Variants in LARP4B observed in about 807,000 individuals in gnomAD.
LARP4B encodes la-related protein 4B.
LARP4B carries 12 observed loss-of-function variants against 89.8 expected under a neutral mutation model. The observed-to-expected ratio is 0.13, with a 90% CI of 0.09 to 0.22. The LOEUF (loss-of-function observed/expected upper bound fraction) is 0.22, where lower values mean the gene tolerates loss of function less well. Among genes scored for constraint, LARP4B ranks in the 10% least tolerant of loss-of-function variants. The pLI is 1.00. For synonymous variants in LARP4B, 367 were observed against 363.3 expected (o/e 1.01, Z -0.12); for missense variants, 757 against 947.7 (o/e 0.80, Z 2.64).
At chr10:957,140 T>C in the LARP4B span, among the ~76,000 whole-genome samples, 1 of 152,108 alleles carries the variant, frequency 6.6e-6, no homozygotes, top group Admixed American at 6.6e-5. Flanking sequence ...CTGGTCCTTC[T>C]CCTGAACCCT....
intron 5 of LARP4B, among the ~76,000 whole-genome samples, chr10:863,525 G>A (rs896189682): frequency 1.1e-4 from 16 of 152,158 alleles, no homozygotes; most frequent in East Asian, 1.9e-4. Flanking sequence ...CCCCGCGCCC[G>A]GCCCAGGTTT....
intron 5 of LARP4B, among the ~76,000 whole-genome samples, chr10:849,051 T>C (rs143188522): frequency 1.4e-4 from 21 of 152,298 alleles, no homozygotes; most frequent in Middle Eastern, 3.4e-3. Flanking sequence ...CTGTGCTCTA[T>C]GTGAAGCAGC....
chr10:938,047 GCTAA>G, the LARP4B span, among the ~76,000 whole-genome samples: 1 of 151,214 alleles, frequency 6.6e-6, no homozygotes, highest in Non-Finnish European at 1.5e-5. Flanking sequence ...ACCACACCTG[GCTAA>G]CTTTTTGTAT....
intron 1 of LARP4B, among the ~76,000 whole-genome samples, chr10:913,653 T>C (rs1203766340): frequency 6.6e-6 from 1 of 152,172 alleles, no homozygotes; most frequent in East Asian, 1.9e-4. Context: ...TAAGAATGAA[T>C]AAATTAGGGC....
At position 833,274 on chromosome 10, in the gene LARP4B, A is replaced by AAAAC. The variant is rs1564392112; in HGVS notation, c.751-2298_751-2297insGTTT. 2.1e-5 allele frequency among the ~76,000 whole-genome samples: 3 copies of AAAAC among 144,036 alleles called. No homozygotes were observed. In the East Asian group the frequency reaches 5.9e-4, roughly 28 times the overall value. The allele number at this position is 144,036 out of a possible 152,430, so 94.5% of individuals were successfully genotyped here. On this transcript the variant is annotated intron_variant, in intron 8 of 17. Coordinates refer to ENST00000316157, the MANE Select transcript of LARP4B (RefSeq NM_015155.3). ...TAAAAAAAAAAAAAAAAAAAAAAAAAAAAAAAAAAACCTCAAAATGTTTGA... is the reference window on the plus strand; with the variant it reads ...TAAAAAAAAAAAAAAAAAAAAAAAAAAAACAAAAAAAAAACCTCAAAATGTTTGA...
chr10:917,658 T>A (rs557769611), intron 1 of LARP4B, among the ~76,000 whole-genome samples: 2 of 152,342 alleles, frequency 1.3e-5, no homozygotes, highest in South Asian at 4.1e-4. Context: ...TCAAGATATT[T>A]TGCGACCTCA....
chr10:945,488 C>A, the LARP4B span, among the ~76,000 whole-genome samples: 1 of 151,876 alleles, frequency 6.6e-6, no homozygotes, highest in Non-Finnish European at 1.5e-5. Context: ...AGATCGAGAC[C>A]ATCCTGGCTA....
At chr10:978,732 T>C in the LARP4B span, among the ~76,000 whole-genome samples, 64 of 152,332 alleles carry the variant, frequency 4.2e-4, no homozygotes, top group African/African-American at 1.3e-3. Flanking sequence ...ATTACTATTG[T>C]TTTTTATGCA....
chr10:845,457 C>CA (rs1426962116), intron 5 of LARP4B, among the ~76,000 whole-genome samples: 3 of 152,104 alleles, frequency 2.0e-5, no homozygotes, highest in Admixed American at 6.5e-5. Context: ...AGATAACCAG[C>CA]AAAAAACCAA....
chr10:968,308 A>G, the LARP4B span, among the ~76,000 whole-genome samples: 1 of 151,426 alleles, frequency 6.6e-6, no homozygotes, highest in South Asian at 2.1e-4. Context: ...CTGAGGTCAA[A>G]CTTTATAAAT....
chr10:966,222 A>C, the LARP4B span, among the ~76,000 whole-genome samples: 1 of 152,134 alleles, frequency 6.6e-6, no homozygotes, highest in Non-Finnish European at 1.5e-5. Flanking sequence ...CGGGAGGCCA[A>C]GGCAGGAGGA....
chr10:885,038 C>T (rs1038762441), intron 2 of LARP4B, among the ~76,000 whole-genome samples: 4 of 152,108 alleles, frequency 2.6e-5, no homozygotes, highest in Non-Finnish European at 2.9e-5. Flanking sequence ...GGACTTTCTC[C>T]CCAAAAAATA....
At chr10:836,368 A>G in intron 8 of LARP4B, 35 bp downstream of exon 8, 1 of 1,396,292 alleles carries the variant, frequency 7.2e-7, no homozygotes, top group Non-Finnish European at 1.0e-6. Context: ...CTTTGGGAAA[A>G]TGTCCAAGTA....
In LARP4B at chr10:814,394, TGC is replaced by T. The variant is rs1163571172; in HGVS notation, c.1929+346_1929+347del. On this transcript the variant is annotated intron_variant, in intron 17 of 17. Transcript: ENST00000316157. The surrounding 1 kb of genome is among the most constrained non-coding windows in gnomAD (Gnocchi z 4.4). ...TCCTGTCTCTTCATCAGACACACGA[TGC>T]GCGCGCACGCACGCAAACATACACA... 5.7e-5 allele frequency: 21 copies of T among 365,570 alleles called. No homozygotes were observed. Among genetic ancestry groups the T allele is most frequent in the Non-Finnish European group, 5.5e-6 (1 of 181,188 alleles). The allele number at this position is 365,570 out of a possible 1,614,324, so 22.6% of individuals were successfully genotyped here. A position where few individuals can be genotyped will look rare whatever the true frequency, so the allele number is the denominator to read the frequency against.
chr10:922,307 C>T (rs1837003087), intron 1 of LARP4B, among the ~76,000 whole-genome samples: 1 of 152,200 alleles, frequency 6.6e-6, no homozygotes. Context: ...TGCTGTGCAG[C>T]GCAGTTCCTA....
intron 1 of LARP4B, among the ~76,000 whole-genome samples, chr10:906,139 T>C (rs1377694464): frequency 2.0e-5 from 3 of 152,212 alleles, no homozygotes; most frequent in Admixed American, 6.5e-5. Flanking sequence ...ATAAACTATA[T>C]CCATAATGCA....
At chr10:846,439 G>C (rs1360608405) in intron 5 of LARP4B, among the ~76,000 whole-genome samples, 3 of 152,144 alleles carry the variant, frequency 2.0e-5, no homozygotes, top group African/African-American at 7.2e-5. Context: ...GGAGGGGTGG[G>C]GCACACAGGA....
intron 3 of LARP4B, among the ~76,000 whole-genome samples, chr10:874,442 C>G (rs1280574336): frequency 6.6e-6 from 1 of 152,182 alleles, no homozygotes; most frequent in Non-Finnish European, 1.5e-5. Flanking sequence ...CTTGAAAGTA[C>G]TTGATGCAGG....
chr10:985,457 C>T, the LARP4B span: 1 of 152,182 alleles, frequency 6.6e-6, no homozygotes, highest in African/African-American at 2.4e-5. Flanking sequence ...GAAACAGAGG[C>T]TTGGGGAAGC....
Sources: allele counts gnomAD v4.1 joint callset (sites outside exome capture counted in the v4.1 genomes callset), GRCh38; gene constraint gnomAD v4.1.1; non-coding constraint Gnocchi (gnomAD v3.1); transcripts MANE v1.5; gene names NCBI Gene and HGNC (gene_info 2026-07-23, HGNC 2026-07-21).